KSR2: variants seen among roughly 807,000 people sequenced by gnomAD.
KSR2 encodes kinase suppressor of ras 2.
A neutral mutation model predicts 107.8 loss-of-function variants in KSR2; 25 were observed. The ratio of observed to expected loss-of-function variants is 0.23; its 90% CI spans 0.17 to 0.32. The LOEUF (loss-of-function observed/expected upper bound fraction) is 0.32, where lower values mean the gene tolerates loss of function less well. Ranked by LOEUF, KSR2 falls within the 10% of genes least tolerant of loss-of-function variation. The pLI is 1.00. For missense variants in KSR2, 887 were observed against 1,268.9 expected (o/e 0.70, Z 4.57); for synonymous variants, 480 against 507.0 (o/e 0.95, Z 0.71).
chr12:117,945,344 G>A (rs1330846693), intron 1 of KSR2, among the ~76,000 whole-genome samples: 2 of 152,140 alleles, frequency 1.3e-5, no homozygotes, highest in Non-Finnish European at 2.9e-5. Flanking sequence ...CATTTTAAGA[G>A]AATTGAAACC....
chr12:117,570,129 A>T (rs1240239351), intron 7 of KSR2, among the ~76,000 whole-genome samples: 1 of 151,176 alleles, frequency 6.6e-6, no homozygotes, highest in Non-Finnish European at 1.5e-5. Context: ...CAGCCTCCCC[A>T]GTAGCTGGGA....
chr12:117,695,416 T>A (rs762953197), intron 4 of KSR2, among the ~76,000 whole-genome samples: 11 of 151,816 alleles, frequency 7.2e-5, no homozygotes, highest in South Asian at 4.2e-4. Context: ...ATAAAATAAA[T>A]GTGTTGGGGC....
chr12:117,964,776 A>G (rs976407340), intron 1 of KSR2, among the ~76,000 whole-genome samples: 3 of 152,268 alleles, frequency 2.0e-5, no homozygotes, highest in African/African-American at 7.2e-5. Context: ...TATAAATCAG[A>G]AAACTTAAAT....
At chr12:117,588,562 G>A (rs376719569) in intron 5 of KSR2, among the ~76,000 whole-genome samples, 15 of 152,282 alleles carry the variant, frequency 9.9e-5, no homozygotes, top group Admixed American at 3.9e-4. Flanking sequence ...TGAATGGACC[G>A]ATAGTCAAGT....
At chr12:117,763,939 G>C (rs1294804860) in intron 3 of KSR2, among the ~76,000 whole-genome samples, 2 of 152,104 alleles carry the variant, frequency 1.3e-5, no homozygotes, top group African/African-American at 2.4e-5. Context: ...CCACTTCCAT[G>C]ATGGGCCAAG....
intron 3 of KSR2, 102 bp from the exon 4 acceptor site, chr12:117,761,626 CCCATT>C: frequency 1.8e-6 from 2 of 1,085,894 alleles, no homozygotes; most frequent in Non-Finnish European, 2.8e-6. Context: ...ACACCACGTG[CCCATT>C]ACATCATGTG....
chr12:117,589,620 G>A (rs1444076019), intron 5 of KSR2, among the ~76,000 whole-genome samples: 1 of 152,102 alleles, frequency 6.6e-6, no homozygotes, highest in Non-Finnish European at 1.5e-5. Flanking sequence ...ACTTTTCTTT[G>A]GAGTCACAGG....
chr12:117,530,791 T>C lies in KSR2; in HGVS notation c.1802+150A>G, dbSNP rs959231399. 28 of 662,302 alleles carry C rather than the reference T, an allele frequency of 4.2e-5. 1 individual carries two copies. Among genetic ancestry groups the C allele is most frequent in the African/African-American group, 3.6e-4 (20 of 55,328 alleles). The allele number at this position is 662,302 out of a possible 1,614,324, so 41.0% of individuals were successfully genotyped here. A position where few individuals can be genotyped will look rare whatever the true frequency, so the allele number is the denominator to read the frequency against. ...CTTTCTCTTTGCCTAAGTTATTCCC[T>C]ATGTCTCTCTGACCCCCTTGTACAT... is the stretch of plus-strand genomic sequence containing the variant. On this transcript the variant is annotated intron_variant, in intron 12 of 19. Coordinates refer to ENST00000339824, the MANE Select transcript of KSR2 (RefSeq NM_173598.6).
intron 14 of KSR2, among the ~76,000 whole-genome samples, chr12:117,507,861 A>T (rs1873794627): frequency 6.6e-6 from 1 of 152,132 alleles, no homozygotes; most frequent in Non-Finnish European, 1.5e-5. Context: ...CTCCTATTGG[A>T]AATCAGGCTG....
intron 4 of KSR2, among the ~76,000 whole-genome samples, chr12:117,708,474 C>T (rs982547990): frequency 1.3e-5 from 2 of 152,174 alleles, no homozygotes; most frequent in African/African-American, 2.4e-5. Context: ...ATTCTAATCA[C>T]CATGCCTCAT....
At chr12:117,483,670 A>T (rs1872299469) in intron 16 of KSR2, among the ~76,000 whole-genome samples, 1 of 152,226 alleles carries the variant, frequency 6.6e-6, no homozygotes. Context: ...GGCCAACTCA[A>T]TGCGGCTTGC....
intron 1 of KSR2, chr12:117,889,453 A>T (rs76118284): frequency 6.6e-6 from 1 of 152,026 alleles, no homozygotes; most frequent in African/African-American, 2.4e-5. Flanking sequence ...CTCTTGGGGG[A>T]AAATTAACAC....
At chr12:117,755,861 C>A (rs1322074004) in intron 4 of KSR2, among the ~76,000 whole-genome samples, 5 of 152,202 alleles carry the variant, frequency 3.3e-5, no homozygotes, top group Non-Finnish European at 5.9e-5. Flanking sequence ...CCCGTGAGCA[C>A]ATGAATGATA....
chr12:117,602,092 T>C (rs1880989256), intron 5 of KSR2, among the ~76,000 whole-genome samples: 1 of 152,250 alleles, frequency 6.6e-6, no homozygotes, highest in Non-Finnish European at 1.5e-5. Context: ...TTTAATTTCA[T>C]GTAATGTTCC....
chr12:117,847,913 C>T (rs773383721), intron 3 of KSR2, among the ~76,000 whole-genome samples: 1 of 152,138 alleles, frequency 6.6e-6, no homozygotes, highest in Non-Finnish European at 1.5e-5. Flanking sequence ...TGGAACCCAA[C>T]ACTGTGTGTG....
intron 5 of KSR2, among the ~76,000 whole-genome samples, chr12:117,664,634 G>T (rs1884579599): frequency 6.6e-6 from 1 of 152,074 alleles, no homozygotes; most frequent in African/African-American, 2.4e-5. Context: ...AAAACTCAGT[G>T]GCTAGACCTC....
chr12:117,736,911 G>T lies in KSR2; in HGVS notation c.986+24100C>A, dbSNP rs374501737. ...GCGATGAGCTTATTCCCGAATAGGA[G>T]AGTTTTCTTCTCCCTACCAAGAACC... On this transcript the variant is annotated intron_variant, in intron 4 of 19. Transcript: ENST00000339824. Among the ~76,000 whole-genome samples the T allele has an allele frequency of 3.7e-4, 56 of 152,260 alleles. No individual in the cohort carries two copies. The East Asian group carries it at 5.8e-3, about 16-fold the overall frequency.
chr12:117,853,939 G>A lies in KSR2; in HGVS notation c.472+1489C>T, dbSNP rs555914470. Among the ~76,000 whole-genome samples the A allele has an allele frequency of 1.8e-4, 27 of 152,216 alleles. No homozygotes were observed. The South Asian group carries it at 5.6e-3, about 32-fold the overall frequency. On this transcript the variant is annotated intron_variant, in intron 3 of 19. Transcript: ENST00000339824. ...ATGTTACTGGTATCTCATGGGCAGAGGTCAAGGATGCTTCTAACCAAACAT... is the reference window on the plus strand; with the variant it reads ...ATGTTACTGGTATCTCATGGGCAGAAGTCAAGGATGCTTCTAACCAAACAT...
intron 4 of KSR2, among the ~76,000 whole-genome samples, chr12:117,729,882 T>C (rs1279405819): frequency 1.3e-5 from 2 of 152,184 alleles, no homozygotes; most frequent in Admixed American, 6.5e-5. Flanking sequence ...GTGGTAAGCA[T>C]AGAAATGGTA....
Sources: gnomAD v4.1 joint callset for allele counts (sites outside exome capture counted in the v4.1 genomes callset) on GRCh38, gnomAD v4.1.1 for gene constraint, MANE v1.5 for transcripts, NCBI Gene and HGNC (gene_info 2026-07-23, HGNC 2026-07-21) for gene names.